ADAMTS14: variants seen among roughly 807,000 people sequenced by gnomAD.
ADAMTS14 encodes the protein ADAM metallopeptidase with thrombospondin type 1 motif 14, also known as A disintegrin and metalloproteinase with thrombospondin motifs 14.
Under a neutral mutation model 128.6 loss-of-function variants are expected in ADAMTS14, and 100 were observed. The ratio of observed to expected loss-of-function variants is 0.78; its 90% confidence interval spans 0.66 to 0.92. The LOEUF is 0.92. Among genes scored for constraint, ADAMTS14 ranks in the 40% least tolerant of loss-of-function variants. The pLI is 0.00. For missense variants in ADAMTS14, 1,562 were observed against 1,658.6 expected, an observed-to-expected ratio of 0.94 and a Z score of 1.01; for synonymous variants, 665 against 653.8, an observed-to-expected ratio of 1.02 and a Z score of -0.26.
At chr10:70,733,677 G>A (rs1439272457) in intron 7 of ADAMTS14, among the ~76,000 whole-genome samples, 6 of 152,226 alleles carry the variant, frequency 3.9e-5, no homozygotes, top group African/African-American at 1.4e-4. Flanking sequence ...GCGAAGGCTT[G>A]GAGGGCAGGA....
chr10:70,684,778 C>A (rs937429663), intron 2 of ADAMTS14, among the ~76,000 whole-genome samples: 1 of 152,238 alleles, frequency 6.6e-6, no homozygotes, highest in East Asian at 1.9e-4. Context: ...CAGGGCTCTT[C>A]CCCCTGCTTT....
At position 70,735,161 on chromosome 10, in the gene ADAMTS14, A is replaced by C. The variant is rs1337202944; in HGVS notation, c.1353-8A>C. On this transcript the variant is annotated splice_region_variant and splice_polypyrimidine_tract_variant and intron_variant, in intron 8 of 21. Coordinates refer to ENST00000373207, the MANE Select transcript of ADAMTS14 (RefSeq NM_080722.4). ...AGCCTGGCTCACCTTCCTTGTCTCTACTGGCAGCTCCTACGACTGCCTCCT... is the reference window on the plus strand; with the variant it reads ...AGCCTGGCTCACCTTCCTTGTCTCTCCTGGCAGCTCCTACGACTGCCTCCT... The C allele has an allele frequency of 1.2e-6, 2 of 1,609,950 alleles. No individual in the cohort carries two copies. Among genetic ancestry groups the C allele is most frequent in the Non-Finnish European group, 1.7e-6 (2 of 1,177,308 alleles).
chr10:70,742,692 T>G (rs1039815230), intron 12 of ADAMTS14, among the ~76,000 whole-genome samples: 41 of 152,232 alleles, frequency 2.7e-4, no homozygotes, highest in Admixed American at 1.6e-3. Context: ...CAGCTGGACT[T>G]TGGGTTTTTC....
intron 12 of ADAMTS14, among the ~76,000 whole-genome samples, chr10:70,742,284 C>G (rs1332683828): frequency 2.6e-5 from 4 of 152,030 alleles, no homozygotes; most frequent in Non-Finnish European, 2.9e-5. Context: ...TTGGAGCTCC[C>G]CCAGACCCAG....
chr10:70,727,901 C>T (rs1439104609), intron 4 of ADAMTS14, among the ~76,000 whole-genome samples: 1 of 152,164 alleles, frequency 6.6e-6, no homozygotes, highest in Non-Finnish European at 1.5e-5. Context: ...CGAGACCATC[C>T]TGGCTAACAC....
At chr10:70,690,330 C>G (rs1236625924) in intron 2 of ADAMTS14, among the ~76,000 whole-genome samples, 1 of 144,448 alleles carries the variant, frequency 6.9e-6, no homozygotes, top group African/African-American at 2.4e-5. Flanking sequence ...CAGGACCATG[C>G]CACCTGTCTG....
intron 4 of ADAMTS14, among the ~76,000 whole-genome samples, chr10:70,725,135 T>C (rs1193662703): frequency 6.6e-6 from 1 of 152,188 alleles, no homozygotes; most frequent in African/African-American, 2.4e-5. Context: ...TGGTGAGTGA[T>C]CTGTATTCTC....
chr10:70,692,264 A>G (rs1409373498), intron 2 of ADAMTS14, among the ~76,000 whole-genome samples: 1 of 152,222 alleles, frequency 6.6e-6, no homozygotes, highest in African/African-American at 2.4e-5. Flanking sequence ...CAGAAGAGCC[A>G]GGCGGAGGAG....
intron 9 of ADAMTS14, among the ~76,000 whole-genome samples, chr10:70,735,697 C>T (rs946476882): frequency 9.9e-5 from 15 of 152,216 alleles, no homozygotes; most frequent in African/African-American, 3.6e-4. Context: ...ACCTGCACAT[C>T]ACCTCTCTCC....
intron 2 of ADAMTS14, among the ~76,000 whole-genome samples, chr10:70,697,842 G>T (rs190642916): frequency 1.3e-5 from 2 of 152,336 alleles, no homozygotes; most frequent in African/African-American, 4.8e-5. Flanking sequence ...ACCTCTGGAT[G>T]AAGAGGCAGC....
chr10:70,746,467 G>A (rs1842180972), intron 15 of ADAMTS14, among the ~76,000 whole-genome samples: 1 of 152,106 alleles, frequency 6.6e-6, no homozygotes, highest in Non-Finnish European at 1.5e-5. Context: ...TTTCTTTTTG[G>A]GGCGATGAAA....
intron 19 of ADAMTS14, among the ~76,000 whole-genome samples, chr10:70,757,459 G>A (rs969805805): frequency 6.6e-6 from 1 of 152,136 alleles, no homozygotes; most frequent in African/African-American, 2.4e-5. Context: ...CTGAACCAGG[G>A]GTGGGGGGTA....
At chr10:70,707,916 G>T (rs72814559) in intron 3 of ADAMTS14, among the ~76,000 whole-genome samples, 4,379 of 152,340 alleles carry the variant, frequency 0.029, 82 homozygotes, top group Non-Finnish European at 0.046. Context: ...GAATCGAATG[G>T]TTGTGACCGA....
At chr10:70,700,176 G>A (rs548768212) in intron 2 of ADAMTS14, among the ~76,000 whole-genome samples, 4 of 152,114 alleles carry the variant, frequency 2.6e-5, no homozygotes, top group East Asian at 2.0e-4. Context: ...TTCTGCAGGC[G>A]TACAGTGGCA....
chr10:70,703,708 A>C (rs1247945135), intron 3 of ADAMTS14, among the ~76,000 whole-genome samples: 2 of 152,330 alleles, frequency 1.3e-5, no homozygotes, highest in East Asian at 3.9e-4. Context: ...GTCCAGCTCC[A>C]GAGCTGTGAG....
intron 2 of ADAMTS14, among the ~76,000 whole-genome samples, chr10:70,682,463 C>T (rs572529081): frequency 5.3e-5 from 8 of 152,316 alleles, no homozygotes; most frequent in East Asian, 1.9e-4. Flanking sequence ...GGAACCAGCC[C>T]GCCTGGGCTG....
chr10:70,703,185 G>A (rs1404117534), intron 3 of ADAMTS14, among the ~76,000 whole-genome samples: 1 of 152,178 alleles, frequency 6.6e-6, no homozygotes, highest in Non-Finnish European at 1.5e-5. Flanking sequence ...CCTGCGCCCA[G>A]GCGACCAGTG....
At chr10:70,718,067 G>A (rs934271426) in intron 4 of ADAMTS14, among the ~76,000 whole-genome samples, 1 of 152,230 alleles carries the variant, frequency 6.6e-6, no homozygotes, top group Non-Finnish European at 1.5e-5. Flanking sequence ...CAGCCTGGAA[G>A]GGTGGCATTT....
intron 4 of ADAMTS14, among the ~76,000 whole-genome samples, chr10:70,720,154 G>A (rs1281834075): frequency 6.6e-6 from 1 of 152,220 alleles, no homozygotes; most frequent in East Asian, 1.9e-4. Flanking sequence ...TAGGCTCCAG[G>A]AGCTCCAGAG....
Sources: allele counts gnomAD v4.1 joint callset (sites outside exome capture counted in the v4.1 genomes callset), GRCh38; gene constraint gnomAD v4.1.1; transcripts MANE v1.5; gene names NCBI Gene and HGNC (gene_info 2026-07-23, HGNC 2026-07-21).